The following PTPRS variants were observed in gnomAD, a reference collection of about 807,000 sequenced individuals.
PTPRS encodes the protein protein tyrosine phosphatase receptor type S, also known as receptor-type tyrosine-protein phosphatase S.
PTPRS carries 63 observed loss-of-function variants against 215.3 expected under a neutral mutation model. The ratio of observed to expected loss-of-function variants is 0.29; its 90% CI spans 0.24 to 0.36. PTPRS has a LOEUF of 0.36. PTPRS is among the 10% of genes least tolerant of loss of function. The probability of loss-of-function intolerance (pLI) is 1.00; values close to 1 mark genes in which losing one functional copy is unlikely to be tolerated. For missense variants in PTPRS, 2,258 were observed against 2,825.8 expected (o/e 0.80, Z 4.56); for synonymous variants, 1,404 against 1,191.4 (o/e 1.18, Z -3.68).
intron 9 of PTPRS, among the ~76,000 whole-genome samples, chr19:5,248,181 C>T (rs1296294642): frequency 6.6e-6 from 1 of 151,964 alleles, no homozygotes; most frequent in Non-Finnish European, 1.5e-5. Context: ...GCTGAGTTGT[C>T]ATGGAAACAG....
chr19:5,212,369 C>A lies in PTPRS; in HGVS notation c.4737G>T (p.Pro1579=), dbSNP rs1064300. 2 of 1,608,978 alleles carry A rather than the reference C, an allele frequency of 1.2e-6. No individual in the cohort carries two copies. The highest frequency in any genetic ancestry group is 1.7e-5 in the Admixed American group (1 of 59,106). Residue 1579 remains proline, a synonymous_variant, in exon 31 of 38, where the codon CCG becomes CCT. Coordinates refer to ENST00000262963, the MANE Select transcript of PTPRS (RefSeq NM_002850.4). The part of the protein sequence containing the change: ...AFLRRVKTCN[P]PDAGPIVVHC... ...GAACCACGATGGGGCCGGCATCTGG[C>A]GGGTTGCAGGTCTTGACTCTCCGCA...
At chr19:5,274,373 C>A (rs1034917) in intron 2 of PTPRS, 29 bp from the exon 3 acceptor site, 2 of 1,593,150 alleles carry the variant, frequency 1.3e-6, no homozygotes, top group African/African-American at 1.3e-5. Flanking sequence ...GAAGGGGGGG[C>A]GCTGATGGGT....
chr19:5,296,170 TA>T (rs911755672), intron 1 of PTPRS, among the ~76,000 whole-genome samples: 1 of 152,122 alleles, frequency 6.6e-6, no homozygotes, highest in African/African-American at 2.4e-5. Flanking sequence ...GTGGATGCTC[TA>T]AAGAGGGTGA....
chr19:5,289,002 G>C (rs1317047891), intron 1 of PTPRS, among the ~76,000 whole-genome samples: 1 of 152,086 alleles, frequency 6.6e-6, no homozygotes, highest in Admixed American at 6.5e-5. Context: ...GGGACGAGGG[G>C]CTACAGTAAC....
intron 1 of PTPRS, among the ~76,000 whole-genome samples, chr19:5,302,691 T>C (rs941568545): frequency 2.6e-5 from 4 of 152,128 alleles, no homozygotes; most frequent in African/African-American, 9.7e-5. Context: ...TGTGCAGCTC[T>C]GGGCTGCCGG....
chr19:5,230,119 T>C (rs1266300879), intron 14 of PTPRS, among the ~76,000 whole-genome samples: 2 of 152,226 alleles, frequency 1.3e-5, no homozygotes, highest in African/African-American at 4.8e-5. Flanking sequence ...CAGCTGTATG[T>C]TCCTAAATAC....
At chr19:5,305,975 G>A (rs1295911024) in intron 1 of PTPRS, among the ~76,000 whole-genome samples, 7 of 92,080 alleles carry the variant, frequency 7.6e-5, no homozygotes, top group East Asian at 7.4e-4. Flanking sequence ...AAAAAAGGGC[G>A]AATTCCTCAT....
intron 20 of PTPRS, 117 bp downstream of exon 20, chr19:5,220,883 A>C: frequency 8.2e-7 from 1 of 1,218,754 alleles, no homozygotes; most frequent in East Asian, 2.3e-5. Flanking sequence ...TAGGGCTGAT[A>C]GGGTCTGTGT....
rs1555729800 is a variant in PTPRS, at chr19:5,206,082, A to AAAAAAGC, written c.*691_*692insGCTTTTT. ...AATTAAAAAAAAAAAAAAAAAAAAA[A>AAAAAAGC]AAGCCAAGGTACAGCCATGGGCCTG... On this transcript the variant is annotated 3_prime_UTR_variant, in exon 38 of 38. Coordinates refer to ENST00000262963, the MANE Select transcript of PTPRS (RefSeq NM_002850.4). Among the ~76,000 whole-genome samples the AAAAAAGC allele has an allele frequency of 6.9e-6, 1 of 144,378 alleles. No individual in the cohort carries two copies. The highest frequency in any genetic ancestry group is 1.5e-5 in the Non-Finnish European group (1 of 66,404). 94.7% of individuals were successfully genotyped at this position (144,378 alleles called of 152,430 possible).
chr19:5,221,024 T>C lies in PTPRS; in HGVS notation c.3431A>G (p.Asp1144Gly). The stretch of plus-strand genomic sequence containing the variant: ...CTGGACAGGCACGGGGCTCTGGCCG[T>C]CAGGAAGATACACCATGATGAAGCC... Reference protein sequence around the residue: ...ADGFIMVYLPDGQSPVPVQSY... With the variant: ...ADGFIMVYLPGGQSPVPVQSY... The change falls in exon 20 of 38, where the codon GAC (aspartate) becomes GGC (glycine). Residue 1144 changes from aspartate to glycine, a missense_variant. Physicochemically the swap from Asp to Gly is moderately conservative, Grantham distance 94 (BLOSUM62 -1). Transcript: ENST00000262963. 6.2e-7 allele frequency: 1 copy of C among 1,611,974 alleles called. No individual in the cohort carries two copies. The highest frequency in any genetic ancestry group is 8.5e-7 in the Non-Finnish European group (1 of 1,178,900).
In PTPRS at chr19:5,221,236, G is replaced by T. The variant is rs761494808; in HGVS notation, c.3219C>A (p.Leu1073=). ...PTPYKIQYNG[L]TLDVDGRTTK... ...TGGTACGGCCATCCACATCCAGTGTGAGCCCATTGTACTGGATCTGCGGAC... is the reference window on the plus strand; with the variant it reads ...TGGTACGGCCATCCACATCCAGTGTTAGCCCATTGTACTGGATCTGCGGAC... The change falls in exon 20 of 38, where the codon CTC becomes CTA. Residue 1073 remains leucine (L), a synonymous_variant. Transcript: ENST00000262963. 3 of 1,613,498 alleles carry T rather than the reference G, an allele frequency of 1.9e-6. No individual in the cohort carries two copies. The highest frequency in any genetic ancestry group is 2.5e-6 in the Non-Finnish European group (3 of 1,179,670).
At chr19:5,336,859 C>T (rs1384408174) in intron 1 of PTPRS, among the ~76,000 whole-genome samples, 3 of 152,138 alleles carry the variant, frequency 2.0e-5, no homozygotes, top group Non-Finnish European at 4.4e-5. Context: ...TCTTTTGCCG[C>T]AGGGAAGGAC....
intron 2 of PTPRS, among the ~76,000 whole-genome samples, chr19:5,279,821 T>C (rs1440774010): frequency 1.3e-5 from 2 of 152,176 alleles, no homozygotes; most frequent in Non-Finnish European, 2.9e-5. Context: ...TAGCTGGGAC[T>C]ATAGGCGCCC....
chr19:5,267,812 G>C (rs992491010), intron 4 of PTPRS, among the ~76,000 whole-genome samples: 3 of 151,308 alleles, frequency 2.0e-5, no homozygotes, highest in Non-Finnish European at 2.9e-5. Flanking sequence ...TCTGCATCTG[G>C]TAGGAATGCT....
intron 1 of PTPRS, among the ~76,000 whole-genome samples, chr19:5,297,011 G>A (rs1009917866): frequency 6.6e-6 from 1 of 152,064 alleles, no homozygotes; most frequent in Non-Finnish European, 1.5e-5. Flanking sequence ...AGAAAAGAGG[G>A]GACTCAAGGA....
In PTPRS at chr19:5,245,875, C is replaced by T. The variant is rs948978539; in HGVS notation, c.889G>A (p.Val297Met). 19 of 1,614,060 alleles carry T rather than the reference C, an allele frequency of 1.2e-5. No individual in the cohort carries two copies. Among genetic ancestry groups the T allele is most frequent in the East Asian group, 2.2e-5 (1 of 44,874 alleles). ...TCCTTGACATCTGTGAGTTCCAGCA[C>T]GTTCCGACCCACGGGCATGTCATCC... is the stretch of plus-strand genomic sequence containing the variant. Reference protein sequence around the residue: ...PEDDMPVGRNVLELTDVKDSA... With the variant: ...PEDDMPVGRNMLELTDVKDSA... Residue 297 changes from valine to methionine, a missense_variant, in exon 10 of 38, where the codon GTG (valine) becomes ATG (methionine). Physicochemically the swap from Val to Met is conservative, Grantham distance 21 (BLOSUM62 1). Coordinates refer to ENST00000262963, the MANE Select transcript of PTPRS (RefSeq NM_002850.4).
intron 25 of PTPRS, among the ~76,000 whole-genome samples, chr19:5,217,046 A>G (rs1230680202): frequency 6.6e-6 from 1 of 152,148 alleles, no homozygotes; most frequent in African/African-American, 2.4e-5. Flanking sequence ...CCTCCCCCAG[A>G]CCAGCCTGGC....
intron 12 of PTPRS, among the ~76,000 whole-genome samples, chr19:5,239,559 T>C (rs560038519): frequency 2.2e-5 from 3 of 135,746 alleles, no homozygotes; most frequent in East Asian, 4.6e-4. Flanking sequence ...GATACAGAGA[T>C]AGACACACAG....
chr19:5,225,176 T>A (rs148793391), intron 17 of PTPRS, among the ~76,000 whole-genome samples: 13 of 152,110 alleles, frequency 8.5e-5, no homozygotes, highest in African/African-American at 2.9e-4. Flanking sequence ...AAGGGGAAAC[T>A]GAGGCAGGGC....
Sources: gnomAD v4.1 joint callset for allele counts (sites outside exome capture counted in the v4.1 genomes callset) on GRCh38, gnomAD v4.1.1 for gene constraint, MANE v1.5 for transcripts, NCBI Gene and HGNC (gene_info 2026-07-23, HGNC 2026-07-21) for gene names.